The following ANKRD28 variants were observed in gnomAD, a reference collection of about 807,000 sequenced individuals.
ANKRD28 encodes ankyrin repeat domain 28.
Under a neutral mutation model 126.5 loss-of-function variants are expected in ANKRD28, and 44 were observed. That is an observed-to-expected ratio of 0.35 (90% CI 0.27 to 0.45). The LOEUF is 0.45. Ranked by LOEUF, ANKRD28 falls within the 20% of genes least tolerant of loss-of-function variation. ANKRD28 has a pLI of 1.00. For synonymous variants in ANKRD28, 442 were observed against 468.5 expected (o/e 0.94, Z 0.73); for missense variants, 1,110 against 1,316.6 (o/e 0.84, Z 2.43).
intron 1 of ANKRD28, among the ~76,000 whole-genome samples, chr3:15,809,550 T>C (rs1447002474): frequency 1.3e-5 from 2 of 152,196 alleles, no homozygotes; most frequent in Non-Finnish European, 2.9e-5. Context: ...TACTCTCTTT[T>C]CTTTCGGGAT....
At position 15,833,663 on chromosome 3, in the gene ANKRD28, A is replaced by T. The variant is rs145765215; in HGVS notation, c.27+25714T>A. Among the ~76,000 whole-genome samples, 748 of 151,860 alleles carry T rather than the reference A, an allele frequency of 4.9e-3. 5 individuals are homozygous for T. Among genetic ancestry groups the T allele is most frequent in the Middle Eastern group, 0.017 (5 of 290 alleles). ...TTTTTTGACCTTTTAATAGTAACTAACCATTCTGACTCATATAAGATGGTT... is the reference window on the plus strand; with the variant it reads ...TTTTTTGACCTTTTAATAGTAACTATCCATTCTGACTCATATAAGATGGTT... On this transcript the variant is annotated intron_variant, in intron 1 of 27. Transcript: ENST00000399451. The surrounding 1 kb of genome is among the most constrained non-coding windows in gnomAD (Gnocchi z 4.4).
At chr3:15,744,877 C>A (rs942337720) in intron 4 of ANKRD28, among the ~76,000 whole-genome samples, 1 of 152,018 alleles carries the variant, frequency 6.6e-6, no homozygotes, top group African/African-American at 2.4e-5. Context: ...AAAGTGTTCC[C>A]TTTTCATTGC....
intron 2 of ANKRD28, among the ~76,000 whole-genome samples, chr3:15,787,914 G>T (rs1313936338): frequency 6.6e-6 from 1 of 152,062 alleles, no homozygotes. Flanking sequence ...ATTCATTTTT[G>T]AATAATAAAG....
chr3:15,706,121 A>G (rs953018529), intron 14 of ANKRD28, among the ~76,000 whole-genome samples: 1 of 151,760 alleles, frequency 6.6e-6, no homozygotes, highest in Admixed American at 6.6e-5. Flanking sequence ...ACTTTGTTCT[A>G]GAGTACCTGT....
intron 14 of ANKRD28, among the ~76,000 whole-genome samples, chr3:15,700,321 A>G (rs2070375571): frequency 6.6e-6 from 1 of 152,160 alleles, no homozygotes; most frequent in Non-Finnish European, 1.5e-5. Flanking sequence ...GGGGAGGGAT[A>G]GCATTAGGAT....
intron 18 of ANKRD28, among the ~76,000 whole-genome samples, chr3:15,687,332 G>GAT (rs113439164): frequency 0.022 from 3,287 of 150,154 alleles, 78 homozygotes; most frequent in African/African-American, 0.06. Flanking sequence ...AATTTCAAAT[G>GAT]ATATATATAT....
At chr3:15,795,345 C>T (rs776041472) in intron 1 of ANKRD28, 39 bp from the exon 2 acceptor site, 3 of 1,347,802 alleles carry the variant, frequency 2.2e-6, no homozygotes, top group South Asian at 1.2e-5. Flanking sequence ...TAGAATCATC[C>T]ATGTGGGGTG....
At chr3:15,772,925 T>C (rs1269291375) in intron 2 of ANKRD28, among the ~76,000 whole-genome samples, 1 of 152,080 alleles carries the variant, frequency 6.6e-6, no homozygotes, top group East Asian at 1.9e-4. Context: ...ACAACAAAAA[T>C]CTACAGCTGA....
chr3:15,671,933 T>C (rs1452303756), intron 27 of ANKRD28, among the ~76,000 whole-genome samples: 1 of 152,170 alleles, frequency 6.6e-6, no homozygotes, highest in Non-Finnish European at 1.5e-5. Context: ...TCATGTAGTA[T>C]GTATTATTTC....
chr3:15,701,420 G>A (rs965220080), intron 14 of ANKRD28, among the ~76,000 whole-genome samples: 33 of 152,118 alleles, frequency 2.2e-4, no homozygotes, highest in African/African-American at 6.3e-4. Flanking sequence ...GGAGGTGGGC[G>A]GAACACCTGA....
At chr3:15,850,240 G>GAGAGAGAGAGAGAA (rs2061620983) in intron 1 of ANKRD28, among the ~76,000 whole-genome samples, 1 of 125,304 alleles carries the variant, frequency 8.0e-6, no homozygotes, top group Non-Finnish European at 1.7e-5. Flanking sequence ...GAGAGAGAGA[G>GAGAGAGAGAGAGAA]AGAGAGAGAG....
chr3:15,841,209 G>C (rs2061418970), intron 1 of ANKRD28, among the ~76,000 whole-genome samples: 1 of 152,164 alleles, frequency 6.6e-6, no homozygotes, highest in African/African-American at 2.4e-5. Flanking sequence ...ATGGATTAAA[G>C]ACTTAAATCC....
chr3:15,764,564 C>T lies in ANKRD28; in HGVS notation c.280+1670G>A, dbSNP rs372066506. Among the ~76,000 whole-genome samples, 5 of 151,476 alleles carry T rather than the reference C, an allele frequency of 3.3e-5. No homozygotes were observed. The South Asian group carries it at 6.3e-4, about 19-fold the overall frequency. On this transcript the variant is annotated intron_variant, in intron 3 of 27. Coordinates refer to ENST00000683139, the MANE Select transcript of ANKRD28 (RefSeq NM_001349278.2). ...ATGAAAAAAAAAAACAAACCCTCCA[C>T]GTGGAATCATATAAAATAATATTTA...
intron 7 of ANKRD28, among the ~76,000 whole-genome samples, chr3:15,724,112 T>C (rs1035224041): frequency 6.6e-6 from 1 of 152,134 alleles, no homozygotes; most frequent in African/African-American, 2.4e-5. Context: ...ATAAATGAAA[T>C]GGAACTACAG....
intron 3 of ANKRD28, among the ~76,000 whole-genome samples, chr3:15,756,285 A>G (rs556155321): frequency 6.6e-6 from 1 of 152,214 alleles, no homozygotes; most frequent in Non-Finnish European, 1.5e-5. Context: ...TTCATACCAC[A>G]GTTATAGATT....
At chr3:15,698,368 T>C (rs6442540) in intron 14 of ANKRD28, among the ~76,000 whole-genome samples, 97,799 of 151,872 alleles carry the variant, frequency 0.64, 32,440 homozygotes, top group East Asian at 0.91. Context: ...CTATTCAACA[T>C]AGTGTTGGAA....
At chr3:15,733,908 T>C (rs775311307) in intron 6 of ANKRD28, among the ~76,000 whole-genome samples, 2 of 152,248 alleles carry the variant, frequency 1.3e-5, no homozygotes, top group Non-Finnish European at 2.9e-5. Context: ...TGTGGGTATC[T>C]ATAACTGGTT....
chr3:15,730,911 G>C (rs769749242), intron 6 of ANKRD28, among the ~76,000 whole-genome samples: 1 of 152,130 alleles, frequency 6.6e-6, no homozygotes, highest in Non-Finnish European at 1.5e-5. Context: ...CTGTCCTCAC[G>C]AACATATCAA....
chr3:15,850,204 A>AAAAATAT (rs1486394619), intron 1 of ANKRD28, among the ~76,000 whole-genome samples: 19 of 54,822 alleles, frequency 3.5e-4, no homozygotes, highest in African/African-American at 9.5e-4. Context: ...AAAAAAAAAA[A>AAAAATAT]ATATATATAT....
Sources: allele counts gnomAD v4.1 joint callset (sites outside exome capture counted in the v4.1 genomes callset), GRCh38; gene constraint gnomAD v4.1.1; non-coding constraint Gnocchi (gnomAD v3.1); transcripts MANE v1.5; gene names NCBI Gene and HGNC (gene_info 2026-07-23, HGNC 2026-07-21).